TBC1D20: variants seen among roughly 807,000 people sequenced by gnomAD.
TBC1D20 encodes chromosome 20 open reading frame 140.
TBC1D20 carries 12 observed loss-of-function variants against 41.6 expected under a neutral mutation model. The observed-to-expected ratio is 0.29, with a 90% CI of 0.18 to 0.47. The LOEUF (loss-of-function observed/expected upper bound fraction) is 0.47, where lower values mean the gene tolerates loss of function less well. Ranked by LOEUF, TBC1D20 falls within the 20% of genes least tolerant of loss-of-function variation. The pLI is 1.00. For missense variants in TBC1D20, 421 were observed against 517.4 expected, an observed-to-expected ratio of 0.81 and a Z score of 1.81; for synonymous variants, 205 against 204.8, an observed-to-expected ratio of 1.00 and a Z score of -0.01.
At chr20:448,108 A>G (rs369339248) in intron 1 of TBC1D20, 34 bp from the exon 2 acceptor site, 10 of 1,525,328 alleles carry the variant, frequency 6.6e-6, no homozygotes, top group Non-Finnish European at 9.1e-6. Flanking sequence ...TTAGGCGCAC[A>G]TTCAGCACGT....
rs1042560041 is a variant in TBC1D20 at position 437,318 on chromosome 20, A to T, written c.*1268T>A. 2.0e-5 allele frequency: 3 copies of T among 152,656 alleles called. No homozygotes were observed. The highest frequency in any genetic ancestry group is 4.4e-5 in the Non-Finnish European group (3 of 68,080). The allele number at this position is 152,656 out of a possible 1,614,324, so 9.5% of individuals were successfully genotyped here. ...CTGCCAAGAGAGAAGAGTGCCCAGG[A>T]AAGACCAGGAAAATACAAGTACATG... On this transcript the variant is annotated 3_prime_UTR_variant, in exon 8 of 8. Coordinates refer to ENST00000354200, the MANE Select transcript of TBC1D20 (RefSeq NM_144628.4).
intron 2 of TBC1D20, among the ~76,000 whole-genome samples, chr20:446,907 C>T (rs2017341939): frequency 6.6e-6 from 1 of 150,510 alleles, no homozygotes; most frequent in Non-Finnish European, 1.5e-5. Context: ...GCTGGAATTA[C>T]AGGTGTGAGT....
chr20:452,023 A>T (rs1340231765), intron 1 of TBC1D20, among the ~76,000 whole-genome samples: 1 of 152,150 alleles, frequency 6.6e-6, no homozygotes, highest in Non-Finnish European at 1.5e-5. Context: ...GTGTACAAGC[A>T]AAAGGCCGGG....
intron 1 of TBC1D20, among the ~76,000 whole-genome samples, chr20:453,539 C>CTTTTTTTTTTTTTTTTT (rs1198052752): frequency 2.7e-5 from 3 of 109,724 alleles, no homozygotes; most frequent in African/African-American, 3.9e-5. Context: ...TGTAATCCAG[C>CTTTTTTTTTTTTTTTTT]ATTTTTTTTT....
chr20:442,838 C>T (rs761784700), intron 3 of TBC1D20, among the ~76,000 whole-genome samples: 1 of 152,220 alleles, frequency 6.6e-6, no homozygotes, highest in Non-Finnish European at 1.5e-5. Flanking sequence ...TGGCTCACGC[C>T]TGTAATCCCA....
At chr20:454,470 T>C (rs2017507766) in intron 1 of TBC1D20, among the ~76,000 whole-genome samples, 1 of 152,186 alleles carries the variant, frequency 6.6e-6, no homozygotes, top group African/African-American at 2.4e-5. Context: ...TAGTATATAT[T>C]AGGTGCAAGG....
Position 438,851 on chromosome 20 carries a change from A to T in TBC1D20, c.957-10T>A, listed in dbSNP as rs754030477. ...AGTAGAGGCTGCCGTCCTGCAGGGG[A>T]AAGAGACGGAAGGAAGGAAGTGGTA... is the stretch of plus-strand genomic sequence containing the variant. On this transcript the variant is annotated splice_polypyrimidine_tract_variant and intron_variant, in intron 7 of 7. Coordinates refer to ENST00000354200, the MANE Select transcript of TBC1D20 (RefSeq NM_144628.4). 1 of 1,610,746 alleles carries T rather than the reference A, an allele frequency of 6.2e-7. No homozygotes were observed. The highest frequency in any genetic ancestry group is 8.5e-7 in the Non-Finnish European group (1 of 1,177,424).
At chr20:448,759 C>A (rs529057746) in intron 1 of TBC1D20, among the ~76,000 whole-genome samples, 3 of 151,542 alleles carry the variant, frequency 2.0e-5, no homozygotes, top group East Asian at 3.9e-4. Context: ...CTAGGCAAAA[C>A]CGATCCTCCC....
At chr20:451,985 A>C (rs144818303) in intron 1 of TBC1D20, among the ~76,000 whole-genome samples, 22 of 152,256 alleles carry the variant, frequency 1.4e-4, no homozygotes, top group African/African-American at 5.1e-4. Context: ...TTCACTGTAA[A>C]GATGATACTC....
chr20:461,802 G>A (rs1268301530), intron 1 of TBC1D20, among the ~76,000 whole-genome samples: 1 of 152,278 alleles, frequency 6.6e-6, no homozygotes, highest in Non-Finnish European at 1.5e-5. Flanking sequence ...ATCAGACAGC[G>A]GCGATGGCTG....
Position 439,215 on chromosome 20 carries a change from A to C in TBC1D20, c.849T>G (p.Pro283=). ...ASVHHLLSQI[P]QDLPYETLIS... is the part of the protein sequence containing the mutation. Reference sequence around the variant, plus strand: ...TCAGTGTCTCATAGGGCAAGTCCTGAGGGATCTGGGACAACAGGTGGTGGA... The same window carrying C: ...TCAGTGTCTCATAGGGCAAGTCCTGCGGGATCTGGGACAACAGGTGGTGGA... The change falls in exon 7 of 8, where the codon CCT becomes CCG. Residue 283 remains proline (P), a synonymous_variant. Coordinates refer to ENST00000354200, the MANE Select transcript of TBC1D20 (RefSeq NM_144628.4). The surrounding 1 kb of genome is among the most constrained non-coding windows in gnomAD (Gnocchi z 4.6). 1 of 1,614,222 alleles carries C rather than the reference A, an allele frequency of 6.2e-7. No homozygotes were observed. Among genetic ancestry groups the C allele is most frequent in the Non-Finnish European group, 8.5e-7 (1 of 1,180,022 alleles).
chr20:454,156 T>C (rs776681586), intron 1 of TBC1D20, among the ~76,000 whole-genome samples: 1 of 148,816 alleles, frequency 6.7e-6, no homozygotes, highest in Non-Finnish European at 1.5e-5. Context: ...GGCAGGAGAA[T>C]GAGGTGAACC....
chr20:458,357 AG>A (rs1377696606), intron 1 of TBC1D20, among the ~76,000 whole-genome samples: 1 of 149,756 alleles, frequency 6.7e-6, no homozygotes, highest in Non-Finnish European at 1.5e-5. Context: ...TCTGTCACCC[AG>A]GCTGGAGAAT....
At chr20:449,908 T>C (rs150012391) in intron 1 of TBC1D20, among the ~76,000 whole-genome samples, 12 of 152,324 alleles carry the variant, frequency 7.9e-5, no homozygotes, top group African/African-American at 2.9e-4. Context: ...ACAACTATAA[T>C]AAACGCTCAG....
intron 1 of TBC1D20, among the ~76,000 whole-genome samples, chr20:461,968 C>T (rs1288615416): frequency 1.3e-5 from 2 of 152,216 alleles, no homozygotes; most frequent in Non-Finnish European, 2.9e-5. Context: ...GAGGCGGCTC[C>T]GGGAGCCTGC....
intron 6 of TBC1D20, 52 bp downstream of exon 6, chr20:440,196 C>T: frequency 1.3e-6 from 2 of 1,592,882 alleles, no homozygotes; most frequent in South Asian, 1.1e-5. Flanking sequence ...AAAATGACCA[C>T]AGTGGGATGG....
intron 3 of TBC1D20, among the ~76,000 whole-genome samples, chr20:444,062 C>T (rs977625634): frequency 3.3e-5 from 5 of 149,456 alleles, no homozygotes; most frequent in Admixed American, 2.0e-4. Context: ...ACCTGGGAGG[C>T]GGAGGTTGTA....
In TBC1D20 at chr20:448,002, G is replaced by A; in HGVS notation, c.143C>T (p.Ala48Val). Residue 48 changes from alanine to valine, a missense_variant, in exon 2 of 8, where the codon GCT becomes GTT. Physicochemically the swap from Ala to Val is moderately conservative, Grantham distance 64. This residue lies in a region of TBC1D20 where 150 missense variants were observed against 151.3 expected (regional missense o/e 0.99). Coordinates refer to ENST00000354200, the MANE Select transcript of TBC1D20 (RefSeq NM_144628.4). Reference protein sequence around the residue: ...QALNSDPTDVAALRRMAISEG... With the variant: ...QALNSDPTDVVALRRMAISEG... ...ACTGATAGCCATGCGTCTAAGGGCA[G>A]CCACATCAGTGGGATCACTGTTCAG... 6.2e-7 allele frequency: 1 copy of A among 1,614,046 alleles called. No homozygotes were observed. Among genetic ancestry groups the A allele is most frequent in the Non-Finnish European group, 8.5e-7 (1 of 1,179,870 alleles).
At chr20:448,642 T>C (rs1436216666) in intron 1 of TBC1D20, among the ~76,000 whole-genome samples, 9 of 145,832 alleles carry the variant, frequency 6.2e-5, no homozygotes, top group Non-Finnish European at 1.3e-4. Context: ...TGAGCCGAGA[T>C]CGTGCCACTG....
Sources: allele counts gnomAD v4.1 joint callset (sites outside exome capture counted in the v4.1 genomes callset), GRCh38; gene constraint gnomAD v4.1.1; regional missense constraint gnomAD v4.1.1; non-coding constraint Gnocchi (gnomAD v3.1); transcripts MANE v1.5; gene names NCBI Gene and HGNC (gene_info 2026-07-23, HGNC 2026-07-21).